The following SGK3 variants were observed in gnomAD, a reference collection of about 807,000 sequenced individuals.
SGK3 encodes serine/threonine-protein kinase Sgk3.
In SGK3, 47 loss-of-function variants were observed where a neutral mutation model predicts 68.5. That is an observed-to-expected ratio of 0.69 (90% CI 0.54 to 0.87). SGK3 has a LOEUF of 0.87. SGK3 is among the 40% of genes least tolerant of loss of function. The pLI, the probability that SGK3 is intolerant of heterozygous loss-of-function variation, is 0.00. For missense variants in SGK3, 479 were observed against 575.5 expected (o/e 0.83, Z 1.72); for synonymous variants, 181 against 189.1 (o/e 0.96, Z 0.35).
intron 1 of SGK3, among the ~76,000 whole-genome samples, chr8:66,724,281 A>G (rs967377875): frequency 2.0e-5 from 3 of 151,778 alleles, no homozygotes; most frequent in African/African-American, 7.3e-5. Context: ...TACCCAGCCT[A>G]TTTCTCCTTT....
chr8:66,811,395 T>A lies in SGK3; in HGVS notation c.254-2458T>A, dbSNP rs961943486. Among the ~76,000 whole-genome samples, 7 of 152,210 alleles carry A rather than the reference T, an allele frequency of 4.6e-5. 1 individual carries two copies. The highest frequency in any genetic ancestry group is 8.8e-5 in the Non-Finnish European group (6 of 68,042). Reference sequence around the variant, plus strand: ...GTAACTTCTTCATTGGAGAGATTTTTAAAAATACATATTTCTAACTATAGT... The same window carrying A: ...GTAACTTCTTCATTGGAGAGATTTTAAAAAATACATATTTCTAACTATAGT... On this transcript the variant is annotated intron_variant, in intron 4 of 16. Coordinates refer to ENST00000521198, the MANE Select transcript of SGK3 (RefSeq NM_001033578.3).
At chr8:66,817,818 A>G (rs764078435) in intron 5 of SGK3, among the ~76,000 whole-genome samples, 11 of 152,158 alleles carry the variant, frequency 7.2e-5, no homozygotes, top group Non-Finnish European at 1.6e-4. Flanking sequence ...AAATTTGACT[A>G]ATAAAAACTT....
intron 14 of SGK3, among the ~76,000 whole-genome samples, chr8:66,844,538 G>C (rs1385707795): frequency 2.6e-5 from 4 of 152,196 alleles, no homozygotes; most frequent in Admixed American, 1.3e-4. Context: ...AGCTCAGATA[G>C]CTTTATAAGA....
chr8:66,761,457 G>A (rs1241380894), intron 1 of SGK3, among the ~76,000 whole-genome samples: 2 of 152,150 alleles, frequency 1.3e-5, no homozygotes, highest in Admixed American at 1.3e-4. Flanking sequence ...AGAGAAAAAG[G>A]CAAATAACAT....
chr8:66,716,077 T>C (rs944650907), intron 1 of SGK3, among the ~76,000 whole-genome samples: 18 of 152,132 alleles, frequency 1.2e-4, no homozygotes, highest in African/African-American at 4.3e-4. Flanking sequence ...GAAACTCAAC[T>C]TATGTAACAT....
At chr8:66,725,013 T>A (rs942646295) in intron 1 of SGK3, among the ~76,000 whole-genome samples, 1 of 152,088 alleles carries the variant, frequency 6.6e-6, no homozygotes, top group African/African-American at 2.4e-5. Context: ...GATCACAAGG[T>A]CAGGAGATCG....
At chr8:66,727,329 C>T (rs576661804) in intron 1 of SGK3, among the ~76,000 whole-genome samples, 2 of 152,118 alleles carry the variant, frequency 1.3e-5, no homozygotes, top group African/African-American at 4.8e-5. Flanking sequence ...ATTCCTGGGC[C>T]CAAGTGATCC....
At chr8:66,816,460 C>CAAGTGAT (rs1808588985) in intron 5 of SGK3, among the ~76,000 whole-genome samples, 1 of 150,916 alleles carries the variant, frequency 6.6e-6, no homozygotes, top group Non-Finnish European at 1.5e-5. Flanking sequence ...ATTCTCCTAC[C>CAAGTGAT]TCAGCCTCCC....
intron 1 of SGK3, among the ~76,000 whole-genome samples, chr8:66,773,212 G>A (rs1368855641): frequency 6.6e-6 from 1 of 152,170 alleles, no homozygotes; most frequent in East Asian, 1.9e-4. Flanking sequence ...AGATTAGGTG[G>A]GAAATGTAGG....
chr8:66,775,407 G>C (rs1037422246), intron 1 of SGK3: 1 of 152,438 alleles, frequency 6.6e-6, no homozygotes, highest in Admixed American at 6.5e-5. Context: ...GGGACCCCGG[G>C]GGCGCGGGAG....
intron 1 of SGK3, among the ~76,000 whole-genome samples, chr8:66,718,447 TTA>T (rs1554590601): frequency 4.5e-4 from 67 of 148,154 alleles, no homozygotes; most frequent in Non-Finnish European, 6.4e-4. Flanking sequence ...CATATATATA[TTA>T]TGTGTGTGTG....
At chr8:66,771,277 A>C (rs1210152725) in intron 1 of SGK3, among the ~76,000 whole-genome samples, 2 of 152,234 alleles carry the variant, frequency 1.3e-5, no homozygotes, top group African/African-American at 4.8e-5. Context: ...AATCTCTAGA[A>C]CATTATAAAG....
At chr8:66,807,557 C>T (rs1808216202) in intron 4 of SGK3, among the ~76,000 whole-genome samples, 1 of 152,090 alleles carries the variant, frequency 6.6e-6, no homozygotes, top group Admixed American at 6.5e-5. Context: ...GATCATATGT[C>T]ACAGAGATAT....
Position 66,755,572 on chromosome 8 carries a change from C to A in SGK3, c.-121-38044C>A, listed in dbSNP as rs143261786. On this transcript the variant is annotated intron_variant, in intron 1 of 16. Transcript: ENST00000521198. Reference sequence around the variant, plus strand: ...AGATGGTTGCTGCTGGTCTCAGAATCCTTCCTGGTGGTCTTGCAGATCTTG... The same window carrying A: ...AGATGGTTGCTGCTGGTCTCAGAATACTTCCTGGTGGTCTTGCAGATCTTG... 2.6e-5 allele frequency among the ~76,000 whole-genome samples: 4 copies of A among 152,146 alleles called. No individual in the cohort carries two copies. In the East Asian group the frequency reaches 7.7e-4, roughly 29 times the overall value.
At chr8:66,782,866 A>C (rs544846563) in intron 1 of SGK3, among the ~76,000 whole-genome samples, 6 of 152,314 alleles carry the variant, frequency 3.9e-5, no homozygotes, top group Admixed American at 2.6e-4. Flanking sequence ...ACAGTGTATT[A>C]ATCTATTCAC....
intron 5 of SGK3, among the ~76,000 whole-genome samples, chr8:66,821,715 CGG>C (rs528671138): frequency 2.0e-4 from 25 of 125,904 alleles, no homozygotes; most frequent in South Asian, 2.5e-4. Flanking sequence ...TTACTGGAGA[CGG>C]GGTTTCACCA....
chr8:66,776,337 G>A (rs763385601), intron 1 of SGK3, among the ~76,000 whole-genome samples: 2 of 152,230 alleles, frequency 1.3e-5, no homozygotes, highest in Non-Finnish European at 2.9e-5. Flanking sequence ...TAAGCACCAA[G>A]TTCAGGCGGG....
At chr8:66,741,350 G>T (rs1490836912) in intron 1 of SGK3, among the ~76,000 whole-genome samples, 2 of 152,066 alleles carry the variant, frequency 1.3e-5, no homozygotes, top group Non-Finnish European at 2.9e-5. Context: ...AGGAGTTTGA[G>T]ACCAGCCTGA....
At chr8:66,716,377 T>C (rs1254086918) in intron 1 of SGK3, among the ~76,000 whole-genome samples, 3 of 152,162 alleles carry the variant, frequency 2.0e-5, no homozygotes, top group African/African-American at 7.2e-5. Context: ...TAAAATTGTA[T>C]TGGCTGTCTG....
Sources: allele counts gnomAD v4.1 joint callset (sites outside exome capture counted in the v4.1 genomes callset), GRCh38; gene constraint gnomAD v4.1.1; transcripts MANE v1.5; gene names NCBI Gene and HGNC (gene_info 2026-07-23, HGNC 2026-07-21).